The following FBXO31 variants were observed in gnomAD, a reference collection of about 807,000 sequenced individuals.
The protein encoded by FBXO31 is F-box only protein 31.
In FBXO31, 24 loss-of-function variants were observed where a neutral mutation model predicts 54.4. The ratio of observed to expected loss-of-function variants is 0.44; its 90% CI spans 0.32 to 0.62. FBXO31 has a LOEUF of 0.62. Among genes scored for constraint, FBXO31 ranks in the 20% least tolerant of loss-of-function variants. The pLI, the probability that FBXO31 is intolerant of heterozygous loss-of-function variation, is 0.05. For missense variants in FBXO31, 665 were observed against 787.1 expected (o/e 0.84, Z 1.86); for synonymous variants, 388 against 335.6 (o/e 1.16, Z -1.71).
At chr16:87,386,761 G>C (rs1374407823), upstream of FBXO31, among the ~76,000 whole-genome samples, 3 of 152,176 alleles carry the variant, frequency 2.0e-5, no homozygotes, top group African/African-American at 7.2e-5. Context: ...TTTGAGACAT[G>C]TAACTAGTAC....
chr16:87,372,808 C>T (rs1424693234), intron 1 of FBXO31, among the ~76,000 whole-genome samples: 1 of 150,904 alleles, frequency 6.6e-6, no homozygotes, highest in African/African-American at 2.4e-5. Flanking sequence ...TCTTGGCTCA[C>T]TGCAACCTCT....
At chr16:87,370,337 C>T (rs1906545602) in intron 1 of FBXO31, among the ~76,000 whole-genome samples, 1 of 152,234 alleles carries the variant, frequency 6.6e-6, no homozygotes, top group South Asian at 2.1e-4. Flanking sequence ...GTGCACGGCA[C>T]TGGCACTAGG....
At chr16:87,387,711 G>A (rs894897549), upstream of FBXO31, among the ~76,000 whole-genome samples, 7 of 152,244 alleles carry the variant, frequency 4.6e-5, no homozygotes, top group African/African-American at 1.7e-4. Flanking sequence ...GGAGGCTGAA[G>A]CAGGAGAATG....
At chr16:87,331,960 A>G (rs936315966) in intron 8 of FBXO31, among the ~76,000 whole-genome samples, 3 of 152,232 alleles carry the variant, frequency 2.0e-5, no homozygotes, top group African/African-American at 4.8e-5. Context: ...AATTAGCTCT[A>G]ATACAGGCAG....
chr16:87,348,839 G>A (rs1331262386), intron 2 of FBXO31, among the ~76,000 whole-genome samples: 2 of 152,224 alleles, frequency 1.3e-5, no homozygotes, highest in Non-Finnish European at 2.9e-5. Context: ...TGTGTACCTG[G>A]AAAGCTCCCG....
At chr16:87,344,093 T>C (rs1447272692) in intron 3 of FBXO31, among the ~76,000 whole-genome samples, 3 of 152,194 alleles carry the variant, frequency 2.0e-5, no homozygotes, top group Admixed American at 6.5e-5. Flanking sequence ...GCTGAACAAA[T>C]TGCCATTCAA....
chr16:87,343,609 C>A lies in FBXO31; in HGVS notation c.646G>T (p.Gly216Cys). The A allele has an allele frequency of 6.2e-7, 1 of 1,608,746 alleles. No individual in the cohort carries two copies. The highest frequency in any genetic ancestry group is 8.5e-7 in the Non-Finnish European group (1 of 1,177,622). ...GCCGCTGCACACACCTGGATGTGGC[C>A]GTGGTGGGGCCCTTTGTGGCCGTAC... ...CMYGHKGPHH[G>C]HIQIVKKDEF... The change falls in exon 4 of 9, where the codon GGC becomes TGC. Residue 216 changes from glycine (G) to cysteine (C), a missense_variant. By Grantham distance (159) the Gly-to-Cys change is radical. Around this residue, in one of 4 missense-constraint regions of FBXO31, gnomAD observed 234 missense variants for 346.8 expected, o/e 0.67. Transcript: ENST00000311635.
At chr16:87,369,425 T>G (rs1017385133) in intron 1 of FBXO31, among the ~76,000 whole-genome samples, 1 of 152,204 alleles carries the variant, frequency 6.6e-6, no homozygotes, top group Non-Finnish European at 1.5e-5. Context: ...CTCATCCAAG[T>G]GGAAGCATGC....
At chr16:87,384,490 G>A (rs1907256721), upstream of FBXO31, among the ~76,000 whole-genome samples, 1 of 152,226 alleles carries the variant, frequency 6.6e-6, no homozygotes, top group African/African-American at 2.4e-5. Flanking sequence ...CGCCCAAAGG[G>A]CGCCTGTTCC....
At chr16:87,333,537 T>C (rs1242962923) in intron 8 of FBXO31, among the ~76,000 whole-genome samples, 6 of 152,242 alleles carry the variant, frequency 3.9e-5, no homozygotes, top group Admixed American at 3.3e-4. Context: ...GTTTACATGA[T>C]ATTTCACTTG....
At chr16:87,367,118 G>C (rs979096136) in intron 1 of FBXO31, 4 of 152,004 alleles carry the variant, frequency 2.6e-5, no homozygotes, top group African/African-American at 9.7e-5. Flanking sequence ...TGCTGTGAGT[G>C]ACAATCAAGC....
intron 5 of FBXO31, among the ~76,000 whole-genome samples, chr16:87,341,990 C>T (rs532528864): frequency 6.6e-6 from 1 of 151,982 alleles, no homozygotes; most frequent in Non-Finnish European, 1.5e-5. Flanking sequence ...GGTGGGAAGA[C>T]GGCTTGAGCC....
rs564552364 is a variant in FBXO31, at chr16:87,338,325, C to T, written c.733-2061G>A. On this transcript the variant is annotated intron_variant, in intron 5 of 8. Coordinates refer to ENST00000311635, the MANE Select transcript of FBXO31 (RefSeq NM_024735.5). The surrounding 1 kb of genome is among the most constrained non-coding windows in gnomAD (Gnocchi z 4.3). The stretch of plus-strand genomic sequence containing the variant: ...GCCTGCTCACTCAACACATTGTACT[C>T]GCGACCCTCGTGGCAGCGCCGGCAG... 1.3e-5 allele frequency among the ~76,000 whole-genome samples: 2 copies of T among 151,960 alleles called. No homozygotes were observed. The highest frequency in any genetic ancestry group is 2.1e-4 in the South Asian group (1 of 4,806).
chr16:87,348,910 C>A (rs1905517561), intron 2 of FBXO31, among the ~76,000 whole-genome samples: 1 of 152,208 alleles, frequency 6.6e-6, no homozygotes, highest in Non-Finnish European at 1.5e-5. Context: ...AGGGAGTACA[C>A]CGGAATCCAG....
intron 1 of FBXO31, among the ~76,000 whole-genome samples, chr16:87,374,486 A>G (rs536907191): frequency 6.6e-6 from 1 of 152,354 alleles, no homozygotes; most frequent in East Asian, 1.9e-4. Context: ...GGGCACGCGC[A>G]GCAGTTCCTA....
At chr16:87,383,938 G>C, upstream of FBXO31, 1 of 282,104 alleles carries the variant, frequency 3.5e-6, no homozygotes, top group Non-Finnish European at 6.3e-6. The surrounding 1 kb of genome is among the most constrained non-coding windows in gnomAD (Gnocchi z 4.9). Flanking sequence ...ACCCCGCACT[G>C]CTGCCCTCCC....
chr16:87,335,294 C>T lies in FBXO31; in HGVS notation c.996+10G>A, dbSNP rs375978532. On this transcript the variant is annotated intron_variant, in intron 7 of 8. Coordinates refer to ENST00000311635, the MANE Select transcript of FBXO31 (RefSeq NM_024735.5). This position sits in a 1 kb window ranked among gnomAD's most constrained non-coding sequence, Gnocchi z 5.7. ...CCAGAGCCCCACCAACCAGGTCAGC[C>T]GCCACTCACCGTGATCTTGGTGCCC... 79 of 1,612,864 alleles carry T rather than the reference C, an allele frequency of 4.9e-5. No individual in the cohort carries two copies. The East Asian group carries it at 1.3e-3, about 27-fold the overall frequency.
At chr16:87,370,892 T>G (rs950791498) in intron 1 of FBXO31, among the ~76,000 whole-genome samples, 1 of 152,162 alleles carries the variant, frequency 6.6e-6, no homozygotes, top group African/African-American at 2.4e-5. Flanking sequence ...TGGCTTAAAT[T>G]TTTCTGCTTC....
At chr16:87,388,248 T>C (rs1050726724), upstream of FBXO31, among the ~76,000 whole-genome samples, 1 of 152,262 alleles carries the variant, frequency 6.6e-6, no homozygotes, top group Non-Finnish European at 1.5e-5. Flanking sequence ...AGGAAGACAC[T>C]GAACATACAG....
Sources: allele counts gnomAD v4.1 joint callset (sites outside exome capture counted in the v4.1 genomes callset), GRCh38; gene constraint gnomAD v4.1.1; regional missense constraint gnomAD v4.1.1; non-coding constraint Gnocchi (gnomAD v3.1); transcripts MANE v1.5; gene names NCBI Gene and HGNC (gene_info 2026-07-23, HGNC 2026-07-21).